TENM3: variants seen among roughly 807,000 people sequenced by gnomAD.
TENM3 encodes the protein teneurin transmembrane protein 3.
TENM3 carries 63 observed loss-of-function variants against 255.1 expected under a neutral mutation model. That is an observed-to-expected ratio of 0.25 (90% CI 0.20 to 0.30). The LOEUF (loss-of-function observed/expected upper bound fraction) is 0.30, where lower values mean the gene tolerates loss of function less well. Ranked by LOEUF, TENM3 falls within the 10% of genes least tolerant of loss-of-function variation. The probability of loss-of-function intolerance (pLI) is 1.00; values close to 1 mark genes in which losing one functional copy is unlikely to be tolerated. For missense variants in TENM3, 2,929 were observed against 3,461.1 expected, an observed-to-expected ratio of 0.85 and a Z score of 3.86; for synonymous variants, 1,306 against 1,322.3, an observed-to-expected ratio of 0.99 and a Z score of 0.27.
the TENM3 span, among the ~76,000 whole-genome samples, chr4:182,041,112 G>A: frequency 1.3e-5 from 2 of 152,140 alleles, no homozygotes; most frequent in African/African-American, 4.8e-5. Flanking sequence ...GGCTCCAGGA[G>A]CACAGCGTAA....
the TENM3 span, among the ~76,000 whole-genome samples, chr4:181,761,553 A>G: frequency 6.6e-6 from 1 of 152,150 alleles, no homozygotes; most frequent in African/African-American, 2.4e-5. Flanking sequence ...CTTCTCCACA[A>G]CCATATTCCA....
chr4:181,731,427 C>T, the TENM3 span, among the ~76,000 whole-genome samples: 242 of 152,288 alleles, frequency 1.6e-3, no homozygotes, highest in African/African-American at 5.5e-3. Flanking sequence ...TCCCAGCTCA[C>T]TACAACCTCG....
chr4:181,767,049 A>C, the TENM3 span, among the ~76,000 whole-genome samples: 2 of 137,542 alleles, frequency 1.5e-5, no homozygotes, highest in African/African-American at 5.6e-5. Flanking sequence ...TCAGGAGATC[A>C]AGACCATTCT....
chr4:182,610,435 C>A (rs1221750494), intron 4 of TENM3, among the ~76,000 whole-genome samples: 1 of 152,176 alleles, frequency 6.6e-6, no homozygotes, highest in Non-Finnish European at 1.5e-5. Context: ...AATCCCAGCA[C>A]TTTGGGAGGC....
intron 1 of TENM3, among the ~76,000 whole-genome samples, chr4:182,164,840 C>A (rs2149665071): frequency 6.6e-6 from 1 of 152,256 alleles, no homozygotes; most frequent in Middle Eastern, 3.4e-3. Flanking sequence ...TCTCTGGGTT[C>A]TTTTTTCCCT....
intron 11 of TENM3, among the ~76,000 whole-genome samples, chr4:182,687,013 G>A (rs754869369): frequency 1.1e-4 from 16 of 152,088 alleles, no homozygotes; most frequent in Non-Finnish European, 2.1e-4. Context: ...TACAACTCTC[G>A]TAGTGCCTTG....
At chr4:181,944,661 T>A in the TENM3 span, among the ~76,000 whole-genome samples, 8 of 151,976 alleles carry the variant, frequency 5.3e-5, no homozygotes, top group Admixed American at 5.2e-4. Context: ...ACCGTGCCCC[T>A]CTCCAACATA....
rs1372902923 is a variant in TENM3 at position 182,793,966 on chromosome 4, T to A, written c.7213+81T>A. ...CACAAAATAACTGGAAATGCTTTTT[T>A]AAAAAACTTTATACTTTACTCAGGC... On this transcript the variant is annotated intron_variant, in intron 26 of 27. Transcript: ENST00000511685. The surrounding 1 kb of genome is among the most constrained non-coding windows in gnomAD (Gnocchi z 5.7). 6.1e-6 allele frequency: 8 copies of A among 1,301,426 alleles called. No homozygotes were observed. The highest frequency in any genetic ancestry group is 4.5e-5 in the African/African-American group (3 of 66,694). The allele number at this position is 1,301,426 out of a possible 1,614,324, so 80.6% of individuals were successfully genotyped here. A position where few individuals can be genotyped will look rare whatever the true frequency, so the allele number is the denominator to read the frequency against.
chr4:181,609,403 G>A, the TENM3 span, among the ~76,000 whole-genome samples: 1 of 151,966 alleles, frequency 6.6e-6, no homozygotes, highest in Non-Finnish European at 1.5e-5. Flanking sequence ...TTAATATACT[G>A]CCTAGAATAT....
the TENM3 span, among the ~76,000 whole-genome samples, chr4:182,101,165 AGGG>A: frequency 8.0e-4 from 38 of 47,698 alleles, 14 homozygotes; most frequent in East Asian, 6.7e-3. Flanking sequence ...GAAGGAAAGA[AGGG>A]AGGGAGGAAG....
At chr4:182,090,254 A>T in the TENM3 span, among the ~76,000 whole-genome samples, 1 of 152,228 alleles carries the variant, frequency 6.6e-6, no homozygotes, top group Admixed American at 6.5e-5. Flanking sequence ...GTCTCTGGGA[A>T]CATGCAAGGC....
At chr4:181,467,061 GTGTGTGT>G in the TENM3 span, among the ~76,000 whole-genome samples, 862 of 18,964 alleles carry the variant, frequency 0.045, 26 homozygotes, top group East Asian at 0.3. Context: ...TATTTTACTA[GTGTGTGT>G]GTGTGTGTGT....
At chr4:182,244,722 T>G (rs1054552399) in intron 1 of TENM3, among the ~76,000 whole-genome samples, 3 of 152,184 alleles carry the variant, frequency 2.0e-5, no homozygotes, top group Admixed American at 6.5e-5. Flanking sequence ...ATGTGTAACA[T>G]ATGGAAAGAA....
chr4:181,476,379 G>A, the TENM3 span, among the ~76,000 whole-genome samples: 54,870 of 151,770 alleles, frequency 0.36, 10,357 homozygotes, highest in African/African-American at 0.47. Flanking sequence ...TTACTGGGAC[G>A]TGAGGGCAGG....
At chr4:181,760,848 A>T in the TENM3 span, among the ~76,000 whole-genome samples, 1 of 151,792 alleles carries the variant, frequency 6.6e-6, no homozygotes, top group Admixed American at 6.6e-5. Flanking sequence ...CTTGAGAATC[A>T]TATGGTTGAT....
intron 3 of TENM3, among the ~76,000 whole-genome samples, chr4:182,504,481 C>T (rs1736620390): frequency 6.6e-6 from 1 of 152,240 alleles, no homozygotes; most frequent in East Asian, 1.9e-4. Flanking sequence ...AAATGAATTA[C>T]TTAGCATAAT....
the TENM3 span, among the ~76,000 whole-genome samples, chr4:181,562,206 A>T: frequency 1.3e-5 from 2 of 152,144 alleles, no homozygotes; most frequent in Middle Eastern, 3.4e-3. Context: ...TCAAATATAG[A>T]AACCTTATCT....
At chr4:182,336,812 C>T (rs1168776536) in intron 2 of TENM3, among the ~76,000 whole-genome samples, 2 of 148,160 alleles carry the variant, frequency 1.3e-5, no homozygotes, top group Non-Finnish European at 3.0e-5. Flanking sequence ...TTCCATTTTT[C>T]TCCTTGGACT....
intron 10 of TENM3, 31 bp downstream of exon 10, chr4:182,680,768 T>G (rs1236990582): frequency 6.9e-7 from 1 of 1,458,352 alleles, no homozygotes; most frequent in African/African-American, 1.4e-5. Context: ...AGAAGTCTGT[T>G]GTTATCTTCA....
Sources: allele counts gnomAD v4.1 joint callset (sites outside exome capture counted in the v4.1 genomes callset), GRCh38; gene constraint gnomAD v4.1.1; non-coding constraint Gnocchi (gnomAD v3.1); transcripts MANE v1.5; gene names NCBI Gene and HGNC (gene_info 2026-07-23, HGNC 2026-07-21).